Variants in ABCC1 observed in about 807,000 individuals in gnomAD.
ABCC1 encodes ATP binding cassette subfamily C member 1 (ABCC1 blood group).
In ABCC1, 83 loss-of-function variants were observed where a neutral mutation model predicts 172.9. The observed-to-expected ratio is 0.48, with a 90% CI of 0.40 to 0.58. The LOEUF (loss-of-function observed/expected upper bound fraction) is 0.58, where lower values mean the gene tolerates loss of function less well. Ranked by LOEUF, ABCC1 falls within the 20% of genes least tolerant of loss-of-function variation. The pLI, the probability that ABCC1 is intolerant of heterozygous loss-of-function variation, is 0.00. For synonymous variants in ABCC1, 937 were observed against 825.2 expected (o/e 1.14, Z -2.32); for missense variants, 1,817 against 2,002.7 (o/e 0.91, Z 1.77).
chr16:15,952,776 T>C (rs1239545158), intron 1 of ABCC1, among the ~76,000 whole-genome samples: 2 of 121,902 alleles, frequency 1.6e-5, no homozygotes, highest in African/African-American at 6.3e-5. Context: ...ACGCCTGTAA[T>C]CCCAGCACTT....
chr16:15,976,682 T>TGTTTACTCCA (rs971039996), intron 1 of ABCC1, among the ~76,000 whole-genome samples: 1 of 152,190 alleles, frequency 6.6e-6, no homozygotes, highest in Non-Finnish European at 1.5e-5. Context: ...CTTTATGAGC[T>TGTTTACTCCA]GTTTACTCCA....
intron 15 of ABCC1, among the ~76,000 whole-genome samples, chr16:16,078,923 T>G (rs1000737527): frequency 6.6e-6 from 1 of 152,184 alleles, no homozygotes; most frequent in African/African-American, 2.4e-5. Flanking sequence ...GTGATCCGCC[T>G]GCGTTGGCCT....
intron 3 of ABCC1, among the ~76,000 whole-genome samples, chr16:16,012,902 C>CA (rs1270826659): frequency 1.3e-5 from 2 of 151,776 alleles, no homozygotes; most frequent in Non-Finnish European, 2.9e-5. Flanking sequence ...AGGCTGGTCT[C>CA]AAACTCCTGG....
chr16:16,018,803 T>TTGAATA (rs56287964), intron 5 of ABCC1, among the ~76,000 whole-genome samples: 127,505 of 151,170 alleles, frequency 0.84, 54,303 homozygotes, highest in Non-Finnish European at 0.9. Context: ...ATGTGTGTGT[T>TTGAATA]TGTGTGTGTG....
intron 1 of ABCC1, among the ~76,000 whole-genome samples, chr16:15,999,811 T>C (rs866142388): frequency 3.5e-4 from 12 of 34,160 alleles, no homozygotes; most frequent in Admixed American, 1.3e-3. Context: ...CTCTCTCTCC[T>C]CTCTCTCTCT....
In ABCC1 at chr16:16,056,507, A is replaced by C. The variant is rs563232274; in HGVS notation, c.1677+212A>C. The C allele has an allele frequency of 1.4e-3, 820 of 584,766 alleles. 4 individuals carry two copies. Among genetic ancestry groups the C allele is most frequent in the Non-Finnish European group, 2.1e-3 (710 of 331,692 alleles). The allele number at this position is 584,766 out of a possible 1,614,324, so 36.2% of individuals were successfully genotyped here. A position where few individuals can be genotyped will look rare whatever the true frequency, so the allele number is the denominator to read the frequency against. On this transcript the variant is annotated intron_variant, in intron 12 of 30. Coordinates refer to ENST00000399410, the MANE Select transcript of ABCC1 (RefSeq NM_004996.4). ...CATGGTGAAACCCAGTCTCTACTAA[A>C]AATACAAAAAAATAAGCCGGGTGTG...
At chr16:16,031,022 T>G (rs1020690681) in intron 5 of ABCC1, among the ~76,000 whole-genome samples, 24 of 152,200 alleles carry the variant, frequency 1.6e-4, no homozygotes, top group African/African-American at 5.1e-4. Flanking sequence ...TAATTTTTTG[T>G]ATTTTTGGTA....
At chr16:15,965,555 G>A (rs574800660) in intron 1 of ABCC1, among the ~76,000 whole-genome samples, 5 of 152,200 alleles carry the variant, frequency 3.3e-5, no homozygotes, top group Admixed American at 2.6e-4. Context: ...GCCTCCCAAA[G>A]TGCTGGGATT....
chr16:15,960,982 T>C (rs1365104700), intron 1 of ABCC1, among the ~76,000 whole-genome samples: 4 of 150,712 alleles, frequency 2.7e-5, no homozygotes, highest in African/African-American at 9.8e-5. Flanking sequence ...GATCTGTTTA[T>C]GTTTGAATGA....
chr16:16,045,789 C>T (rs1416062528), intron 8 of ABCC1, 47 bp from the exon 9 acceptor site: 2 of 1,589,748 alleles, frequency 1.3e-6, no homozygotes, highest in African/African-American at 2.7e-5. Context: ...CTTCCCTGCC[C>T]CCACGTGTCA....
intron 5 of ABCC1, among the ~76,000 whole-genome samples, chr16:16,025,891 T>A (rs1401616871): frequency 1.3e-5 from 2 of 152,200 alleles, no homozygotes; most frequent in African/African-American, 4.8e-5. Context: ...GCTGCTTTCA[T>A]GCTATCTGGG....
chr16:16,079,496 G>A lies in ABCC1; in HGVS notation c.2115+18G>A, dbSNP rs1388921602. The A allele has an allele frequency of 8.1e-6, 13 of 1,598,908 alleles. 1 individual carries two copies. The highest frequency in any genetic ancestry group is 6.7e-5 in the African/African-American group (5 of 74,714). On this transcript the variant is annotated intron_variant, in intron 16 of 30. Transcript: ENST00000399410. The stretch of plus-strand genomic sequence containing the variant: ...CTATCAAGGTAGGATGAGGACCAGC[G>A]GGGAGGGGCAGTGGGGAAGCTGGTG...
At chr16:16,042,510 T>C (rs246225) in intron 7 of ABCC1, among the ~76,000 whole-genome samples, 31,154 of 151,794 alleles carry the variant, frequency 0.21, 5,435 homozygotes, top group African/African-American at 0.47. Context: ...CAAGACCAGC[T>C]TGGCTAACAT....
chr16:16,071,163 G>A (rs1243485142), intron 13 of ABCC1, among the ~76,000 whole-genome samples: 3 of 151,926 alleles, frequency 2.0e-5, no homozygotes, highest in South Asian at 2.1e-4. Context: ...GGCTCACTGC[G>A]ACCTCTGCCT....
At chr16:16,121,130 T>C (rs975290055) in intron 23 of ABCC1, among the ~76,000 whole-genome samples, 1 of 152,234 alleles carries the variant, frequency 6.6e-6, no homozygotes, top group Non-Finnish European at 1.5e-5. Context: ...ACACATCACA[T>C]GTAAGACTGT....
chr16:16,106,719 T>G lies in ABCC1; in HGVS notation c.2736-19T>G. ...CAAGGCATCTGTACGGTTGACACCC[T>G]TGTGCTTTGCTTCTCCAGACAGCTC... On this transcript the variant is annotated intron_variant, in intron 20 of 30. Coordinates refer to ENST00000399410, the MANE Select transcript of ABCC1 (RefSeq NM_004996.4). 6.2e-7 allele frequency: 1 copy of G among 1,613,836 alleles called. No individual in the cohort carries two copies. The highest frequency in any genetic ancestry group is 8.5e-7 in the Non-Finnish European group (1 of 1,180,010).
intron 25 of ABCC1, among the ~76,000 whole-genome samples, chr16:16,125,452 G>T (rs191928845): frequency 6.6e-6 from 1 of 151,424 alleles, no homozygotes; most frequent in Non-Finnish European, 1.5e-5. Flanking sequence ...TTTTGGAGAC[G>T]GAATCTCACT....
rs754448231 is a variant in ABCC1, at chr16:16,079,488, G to A, written c.2115+10G>A. On this transcript the variant is annotated intron_variant, in intron 16 of 30. Transcript: ENST00000399410. Reference sequence around the variant, plus strand: ...GCACGTGGCTATCAAGGTAGGATGAGGACCAGCGGGGAGGGGCAGTGGGGA... The same window carrying A: ...GCACGTGGCTATCAAGGTAGGATGAAGACCAGCGGGGAGGGGCAGTGGGGA... 3 of 1,602,770 alleles carry A rather than the reference G, an allele frequency of 1.9e-6. No homozygotes were observed. The African/African-American group carries it at 4.0e-5, about 21-fold the overall frequency.
chr16:16,043,148 C>A (rs1597161883), intron 7 of ABCC1, among the ~76,000 whole-genome samples: 1 of 151,488 alleles, frequency 6.6e-6, no homozygotes, highest in Admixed American at 6.6e-5. Context: ...CAGGCATGAA[C>A]CACTGCACCC....
Sources: allele counts gnomAD v4.1 joint callset (sites outside exome capture counted in the v4.1 genomes callset), GRCh38; gene constraint gnomAD v4.1.1; transcripts MANE v1.5; gene names NCBI Gene and HGNC (gene_info 2026-07-23, HGNC 2026-07-21).